Variants in OPA1 observed in about 807,000 individuals in gnomAD.
The protein encoded by OPA1 is dynamin-like GTPase OPA1, mitochondrial.
OPA1 carries 59 observed loss-of-function variants against 152.9 expected under a neutral mutation model. The observed-to-expected ratio is 0.39, with a 90% CI of 0.31 to 0.48. The LOEUF (loss-of-function observed/expected upper bound fraction) is 0.48. Among genes scored for constraint, OPA1 ranks in the 20% least tolerant of loss-of-function variants. The pLI is 0.96. For missense variants in OPA1, 1,008 were observed against 1,216.8 expected (o/e 0.83, Z 2.55); for synonymous variants, 400 against 389.9 (o/e 1.03, Z -0.31).
rs1040948862 is a variant in OPA1 at position 193,696,026 on chromosome 3, G to A, written c.*1426G>A. On this transcript the variant is annotated 3_prime_UTR_variant, in exon 31 of 31. Transcript: ENST00000361510. Reference sequence around the variant, plus strand: ...GATGCGCTGGTAGATGCATAGTCAGGAACTTTTTTTATTTCTTTTAGGTCT... The same window carrying A: ...GATGCGCTGGTAGATGCATAGTCAGAAACTTTTTTTATTTCTTTTAGGTCT... 2 of 152,168 alleles carry A rather than the reference G, an allele frequency of 1.3e-5. No individual in the cohort carries two copies. The highest frequency in any genetic ancestry group is 2.9e-5 in the Non-Finnish European group (2 of 68,036). The allele number at this position is 152,168 out of a possible 1,614,324, so 9.4% of individuals were successfully genotyped here.
chr3:193,647,388 AAC>A, intron 19 of OPA1, among the ~76,000 whole-genome samples: 1 of 152,312 alleles, frequency 6.6e-6, no homozygotes, highest in Admixed American at 6.5e-5. Flanking sequence ...CATCTCTAGA[AAC>A]ACATTTGCAG....
intron 1 of OPA1, among the ~76,000 whole-genome samples, chr3:193,603,868 T>G (rs1437801833): frequency 6.6e-6 from 1 of 152,252 alleles, no homozygotes; most frequent in Non-Finnish European, 1.5e-5. Flanking sequence ...GGGCCACTAT[T>G]TCTGATACTA....
At chr3:193,673,743 A>T (rs1577358741) in intron 29 of OPA1, among the ~76,000 whole-genome samples, 2 of 152,218 alleles carry the variant, frequency 1.3e-5, no homozygotes, top group African/African-American at 4.8e-5. Context: ...TTTATGTGAG[A>T]GAAGATATAC....
chr3:193,642,279 A>G (rs920294762), intron 11 of OPA1, among the ~76,000 whole-genome samples: 1 of 152,136 alleles, frequency 6.6e-6, no homozygotes, highest in Non-Finnish European at 1.5e-5. Context: ...CCAGCATGTG[A>G]TGAGGTCTAA....
intron 1 of OPA1, chr3:193,613,989 CTA>C: frequency 1.9e-6 from 1 of 518,868 alleles, no homozygotes. Flanking sequence ...AAGCAAGCAA[CTA>C]TGTATGCAAC....
At position 193,593,384 on chromosome 3, in the gene OPA1, C is replaced by T; in HGVS notation, c.7C>T (p.Arg3Ter). Residue 3 changes from arginine to a stop codon, truncating the protein, a stop_gained, in exon 1 of 31, where the codon CGA becomes TGA. Coordinates refer to ENST00000361510, the MANE Select transcript of OPA1 (RefSeq NM_130837.3). LOFTEE classifies it high-confidence loss of function. MW[R>*]LRRAAVACEV... is the part of the protein sequence containing the mutation. ...TGACCTCCCCGCCGGCGGGATGTGG[C>T]GACTACGTCGGGCCGCTGTGGCCTG... The T allele has an allele frequency of 6.5e-7, 1 of 1,547,100 alleles. No homozygotes were observed. Among genetic ancestry groups the T allele is most frequent in the East Asian group, 2.5e-5 (1 of 40,650 alleles).
chr3:193,637,503 T>G (rs1441006414), intron 10 of OPA1, among the ~76,000 whole-genome samples: 2 of 151,960 alleles, frequency 1.3e-5, no homozygotes, highest in African/African-American at 4.8e-5. Flanking sequence ...TACATTATAT[T>G]TATGAGTTAC....
At chr3:193,643,076 C>T (rs374613805) in intron 13 of OPA1, 27 bp downstream of exon 13, 76 of 1,540,382 alleles carry the variant, frequency 4.9e-5, no homozygotes, top group South Asian at 3.9e-4. Context: ...ATTTCAGTGA[C>T]GTTTTATGGA....
At position 193,615,160 on chromosome 3, in the gene OPA1, T is replaced by C. The variant is rs917583373; in HGVS notation, c.351+119T>C. 3.8e-6 allele frequency: 3 copies of C among 795,556 alleles called. No individual in the cohort carries two copies. The African/African-American group carries it at 5.1e-5, about 14-fold the overall frequency. The allele number at this position is 795,556 out of a possible 1,614,324, so 49.3% of individuals were successfully genotyped here. A position where few individuals can be genotyped will look rare whatever the true frequency, so the allele number is the denominator to read the frequency against. ...TGTTTAAACATTTATTTTGTGTCTC[T>C]ACCATGGACTAGATTGTTTTAATGA... is the stretch of plus-strand genomic sequence containing the variant. On this transcript the variant is annotated intron_variant, in intron 2 of 30. Coordinates refer to ENST00000361510, the MANE Select transcript of OPA1 (RefSeq NM_130837.3).
chr3:193,611,829 G>T (rs1278300954), intron 1 of OPA1, among the ~76,000 whole-genome samples: 3 of 141,830 alleles, frequency 2.1e-5, no homozygotes, highest in Non-Finnish European at 4.6e-5. Context: ...TCTGAAACTG[G>T]TTCATCTTTT....
At chr3:193,637,436 G>A (rs564087039) in intron 10 of OPA1, among the ~76,000 whole-genome samples, 155 bp downstream of exon 10, 1 of 150,368 alleles carries the variant, frequency 6.7e-6, no homozygotes, top group South Asian at 2.1e-4. Flanking sequence ...TCCAAGTAAT[G>A]TCTTAAGCAA....
intron 15 of OPA1, 128 bp from the exon 16 acceptor site, chr3:193,643,847 G>C: frequency 9.4e-7 from 1 of 1,064,072 alleles, no homozygotes; most frequent in Non-Finnish European, 1.4e-6. Context: ...TTTCTTTTTA[G>C]TAAATAACGT....
intron 1 of OPA1, among the ~76,000 whole-genome samples, chr3:193,612,044 C>T (rs886953507): frequency 2.0e-5 from 3 of 152,114 alleles, no homozygotes; most frequent in Non-Finnish European, 4.4e-5. Context: ...GCTTCACCAG[C>T]CCCCAGTATC....
chr3:193,624,355 C>A (rs1027157096), intron 6 of OPA1: 18 of 152,046 alleles, frequency 1.2e-4, no homozygotes, highest in African/African-American at 4.3e-4. Context: ...AATTAGAATA[C>A]TAGTGGTATG....
chr3:193,640,941 A>G (rs1045787172), intron 11 of OPA1, among the ~76,000 whole-genome samples: 1 of 152,152 alleles, frequency 6.6e-6, no homozygotes. Context: ...TTGTGGGTCT[A>G]GCTATGGATT....
Position 193,617,847 on chromosome 3 carries a change from CAG to C in OPA1, c.610+12_610+13del, listed in dbSNP as rs768244975. On this transcript the variant is annotated intron_variant, in intron 5 of 30. Coordinates refer to ENST00000361510, the MANE Select transcript of OPA1 (RefSeq NM_130837.3). The stretch of plus-strand genomic sequence containing the variant: ...CTACTTCTCTTGTTAGGTGTGTAAA[CAG>C]ACATTTTTGCTGACCTTAACATGCC... 5 of 1,606,788 alleles carry C rather than the reference CAG, an allele frequency of 3.1e-6. No homozygotes were observed.
chr3:193,638,700 T>G (rs531354079), intron 11 of OPA1, among the ~76,000 whole-genome samples: 6 of 152,360 alleles, frequency 3.9e-5, no homozygotes, highest in African/African-American at 1.4e-4. Context: ...TTTTTGAGAA[T>G]GATGTAAACA....
chr3:193,631,496 A>C (rs985443765), intron 7 of OPA1, 116 bp from the exon 8 acceptor site: 1 of 669,368 alleles, frequency 1.5e-6, no homozygotes, highest in Non-Finnish European at 2.6e-6. Flanking sequence ...ACTTTGATTA[A>C]ATATGCATAT....
rs1373586761 is a variant in OPA1, at chr3:193,692,124, ATAAAT to A, written c.*1_*5del. The stretch of plus-strand genomic sequence containing the variant: ...TCATTGAAGCTCTTCATCAGGAGAA[ATAAAT>A]TAAGTGAGTAAAAATTCTCTAACTG... On this transcript the variant is annotated stop_retained_variant and 3_prime_UTR_variant, in exon 30 of 31. Transcript: ENST00000361510. 3.9e-6 allele frequency: 6 copies of A among 1,519,166 alleles called. No individual in the cohort carries two copies. The highest frequency in any genetic ancestry group is 2.7e-5 in the African/African-American group (2 of 72,944). The allele number at this position is 1,519,166 out of a possible 1,614,324, so 94.1% of individuals were successfully genotyped here. A position where few individuals can be genotyped will look rare whatever the true frequency, so the allele number is the denominator to read the frequency against.
Sources: gnomAD v4.1 joint callset for allele counts (sites outside exome capture counted in the v4.1 genomes callset) on GRCh38, gnomAD v4.1.1 for gene constraint, MANE v1.5 for transcripts, NCBI Gene and HGNC (gene_info 2026-07-23, HGNC 2026-07-21) for gene names.